The following GPHN variants were observed in gnomAD, a reference collection of about 807,000 sequenced individuals.
GPHN encodes the protein gephyrin.
Under a neutral mutation model 95.5 loss-of-function variants are expected in GPHN, and 17 were observed. The observed-to-expected ratio is 0.18, with a 90% CI of 0.12 to 0.27. GPHN has a LOEUF of 0.27. Ranked by LOEUF, GPHN falls within the 10% of genes least tolerant of loss-of-function variation. The probability of loss-of-function intolerance (pLI) is 1.00; values close to 1 mark genes in which losing one functional copy is unlikely to be tolerated. For synonymous variants in GPHN, 320 were observed against 322.5 expected (o/e 0.99, Z 0.08); for missense variants, 660 against 978.1 (o/e 0.67, Z 4.34).
intron 4 of GPHN, among the ~76,000 whole-genome samples, chr14:66,833,798 A>G (rs1036618016): frequency 6.6e-6 from 1 of 152,162 alleles, no homozygotes; most frequent in Non-Finnish European, 1.5e-5. Context: ...TTTTCAGTCA[A>G]TATTTCCCTT....
the GPHN span, chr14:67,587,158 T>C: frequency 6.2e-7 from 1 of 1,613,914 alleles, no homozygotes; most frequent in Non-Finnish European, 8.5e-7. Flanking sequence ...ACCCGGAGCC[T>C]GCCAGCTGTG....
chr14:67,340,422 C>G, the GPHN span: 1 of 1,606,200 alleles, frequency 6.2e-7, no homozygotes, highest in Non-Finnish European at 8.5e-7. Context: ...TGATCAATAA[C>G]TGCCAATTTC....
At chr14:67,516,203 G>A in the GPHN span, among the ~76,000 whole-genome samples, 8 of 152,150 alleles carry the variant, frequency 5.3e-5, no homozygotes, top group African/African-American at 1.4e-4. Flanking sequence ...CCATTCGCAC[G>A]CCAAGCCTAG....
At chr14:66,545,717 T>A (rs373454549) in intron 1 of GPHN, among the ~76,000 whole-genome samples, 14 of 86,818 alleles carry the variant, frequency 1.6e-4, no homozygotes, top group African/African-American at 3.9e-4. Context: ...CCGGACGGGG[T>A]GGCTGGCCGG....
At chr14:66,837,309 T>C (rs1377365153) in intron 4 of GPHN, among the ~76,000 whole-genome samples, 4 of 150,398 alleles carry the variant, frequency 2.7e-5, no homozygotes, top group Non-Finnish European at 5.9e-5. Context: ...ATGGATGAAA[T>C]TGGGAACCAT....
the GPHN span, chr14:67,660,025 C>G: frequency 4.3e-6 from 5 of 1,169,046 alleles, no homozygotes; most frequent in Non-Finnish European, 6.0e-6. Flanking sequence ...ATTTGGACTA[C>G]ACCAAGTAAA....
intron 1 of GPHN, among the ~76,000 whole-genome samples, chr14:66,527,584 G>C (rs1341148042): frequency 6.6e-6 from 1 of 151,998 alleles, no homozygotes; most frequent in Non-Finnish European, 1.5e-5. Context: ...TATCTTTCCT[G>C]CTTTCTCTTG....
At chr14:67,325,398 T>A in the GPHN span, among the ~76,000 whole-genome samples, 1 of 152,188 alleles carries the variant, frequency 6.6e-6, no homozygotes, top group South Asian at 2.1e-4. Context: ...GTAGGCTAGC[T>A]GGTTAAAGTA....
chr14:67,726,349 C>A, the GPHN span, among the ~76,000 whole-genome samples: 4 of 152,188 alleles, frequency 2.6e-5, no homozygotes, highest in African/African-American at 4.8e-5. Flanking sequence ...CCTACCCATA[C>A]CATTAAGAAG....
chr14:67,015,994 G>A (rs912069210), intron 9 of GPHN, among the ~76,000 whole-genome samples: 6 of 151,554 alleles, frequency 4.0e-5, no homozygotes, highest in Admixed American at 6.6e-5. Flanking sequence ...TTCTTGTTTC[G>A]GTCTATTAAA....
chr14:66,633,580 A>G (rs562960180), intron 1 of GPHN, among the ~76,000 whole-genome samples: 1 of 151,686 alleles, frequency 6.6e-6, no homozygotes, highest in East Asian at 1.9e-4. Flanking sequence ...ACAATTTTAT[A>G]CATTCTCAGT....
intron 1 of GPHN, among the ~76,000 whole-genome samples, chr14:66,595,254 TAAG>T (rs1184019505): frequency 6.6e-6 from 1 of 152,198 alleles, no homozygotes; most frequent in Non-Finnish European, 1.5e-5. Flanking sequence ...ATCTCAAAAA[TAAG>T]AAGTAGAACT....
At chr14:66,605,419 G>A (rs986033369) in intron 1 of GPHN, among the ~76,000 whole-genome samples, 13 of 151,396 alleles carry the variant, frequency 8.6e-5, no homozygotes, top group African/African-American at 2.9e-4. Context: ...GTATATTGTT[G>A]TAGTTTTGAT....
the GPHN span, chr14:67,333,121 G>T: frequency 3.5e-6 from 2 of 571,538 alleles, no homozygotes; most frequent in Admixed American, 6.6e-5. Context: ...GTTCCCTTAG[G>T]CAGTTTGTGC....
chr14:67,597,718 G>A, the GPHN span, among the ~76,000 whole-genome samples: 2 of 151,606 alleles, frequency 1.3e-5, no homozygotes, highest in South Asian at 4.2e-4. Context: ...AAATATTCTG[G>A]AGGATACTCT....
chr14:67,255,876 G>A, the GPHN span, among the ~76,000 whole-genome samples: 5 of 152,096 alleles, frequency 3.3e-5, no homozygotes, highest in South Asian at 6.2e-4. Context: ...TAGTAGAGAC[G>A]GGGTTTCACC....
the GPHN span, chr14:67,201,462 G>A: frequency 1.3e-3 from 573 of 456,072 alleles, 5 homozygotes; most frequent in African/African-American, 0.011. Flanking sequence ...CATCTAAACA[G>A]GACAATGATA....
intron 5 of GPHN, among the ~76,000 whole-genome samples, chr14:66,893,231 C>T (rs2064620128): frequency 6.6e-6 from 1 of 152,184 alleles, no homozygotes; most frequent in Non-Finnish European, 1.5e-5. Flanking sequence ...CAGTCTACAG[C>T]TCCCAGCGTG....
chr14:67,712,659 A>G, the GPHN span, among the ~76,000 whole-genome samples: 1 of 152,178 alleles, frequency 6.6e-6, no homozygotes. Context: ...TCTCATTACT[A>G]TATTTCATCT....
Sources: allele counts gnomAD v4.1 joint callset (sites outside exome capture counted in the v4.1 genomes callset), GRCh38; gene constraint gnomAD v4.1.1; transcripts MANE v1.5; gene names NCBI Gene and HGNC (gene_info 2026-07-23, HGNC 2026-07-21).